CLNK: variants seen among roughly 807,000 people sequenced by gnomAD.
CLNK encodes the protein cytokine dependent hematopoietic cell linker.
A neutral mutation model predicts 68.6 loss-of-function variants in CLNK; 74 were observed. The ratio of observed to expected loss-of-function variants is 1.08; its 90% CI spans 0.89 to 1.31. The LOEUF (loss-of-function observed/expected upper bound fraction) is 1.31. CLNK is among the 50% of genes most tolerant of loss of function. The probability of loss-of-function intolerance (pLI) is 0.00; values close to 1 mark genes in which losing one functional copy is unlikely to be tolerated. For synonymous variants in CLNK, 198 were observed against 172.2 expected, an observed-to-expected ratio of 1.15 and a Z score of -1.17; for missense variants, 553 against 515.3, an observed-to-expected ratio of 1.07 and a Z score of -0.71.
At chr4:10,709,341 G>A in the CLNK span, among the ~76,000 whole-genome samples, 1 of 152,226 alleles carries the variant, frequency 6.6e-6, no homozygotes, top group African/African-American at 2.4e-5. Context: ...TGTACTCAGA[G>A]TGACTTTCTT....
chr4:10,686,982 G>A (rs1413090159), upstream of CLNK, among the ~76,000 whole-genome samples: 1 of 151,984 alleles, frequency 6.6e-6, no homozygotes, highest in African/African-American at 2.4e-5. Flanking sequence ...ATTAGGTGCT[G>A]AAAAATACAA....
intron 5 of CLNK, among the ~76,000 whole-genome samples, chr4:10,570,147 C>T (rs1055294715): frequency 6.6e-6 from 1 of 152,188 alleles, no homozygotes; most frequent in Non-Finnish European, 1.5e-5. Context: ...GCAAAGGTGC[C>T]ATTTACATAC....
At chr4:10,727,462 C>G in the CLNK span, among the ~76,000 whole-genome samples, 13 of 152,228 alleles carry the variant, frequency 8.5e-5, no homozygotes, top group Admixed American at 7.2e-4. Flanking sequence ...GGGGGTCAGT[C>G]TAATTAAATT....
chr4:10,630,451 G>A (rs976830604), intron 2 of CLNK, among the ~76,000 whole-genome samples: 2 of 152,076 alleles, frequency 1.3e-5, no homozygotes, highest in East Asian at 1.9e-4. Flanking sequence ...GCTCAGAGTC[G>A]TTTCCACTCT....
intron 18 of CLNK, 89 bp downstream of exon 18, chr4:10,501,167 A>G: frequency 2.2e-6 from 3 of 1,334,226 alleles, no homozygotes; most frequent in Non-Finnish European, 3.0e-6. Context: ...TCAGGGCGGC[A>G]TCCTCTTCCT....
the CLNK span, among the ~76,000 whole-genome samples, chr4:10,708,923 C>T: frequency 6.6e-6 from 1 of 152,114 alleles, no homozygotes; most frequent in Non-Finnish European, 1.5e-5. Context: ...TATGATTACG[C>T]TATAAAACTT....
At chr4:10,720,012 A>C in the CLNK span, among the ~76,000 whole-genome samples, 1 of 152,196 alleles carries the variant, frequency 6.6e-6, no homozygotes, top group Non-Finnish European at 1.5e-5. Flanking sequence ...GAGTTGAATG[A>C]AAATGAGACT....
chr4:10,658,583 C>A (rs938127649), intron 2 of CLNK, among the ~76,000 whole-genome samples: 1 of 152,152 alleles, frequency 6.6e-6, no homozygotes, highest in African/African-American at 2.4e-5. Context: ...TGCCTAGTGC[C>A]CCAGCCTCCC....
chr4:10,534,803 G>A lies in CLNK; in HGVS notation c.603-2520C>T, dbSNP rs1012058052. ...AAGAAATAATACAGACAGTTCCTAT[G>A]TGCCCTATACCCAGTTTCCCCCAAT... is the stretch of plus-strand genomic sequence containing the variant. On this transcript the variant is annotated intron_variant, in intron 11 of 18. Transcript: ENST00000226951. Among the ~76,000 whole-genome samples the A allele has an allele frequency of 1.2e-4, 19 of 152,080 alleles. 1 individual carries two copies. The highest frequency in any genetic ancestry group is 7.4e-5 in the Non-Finnish European group (5 of 68,024).
intron 16 of CLNK, among the ~76,000 whole-genome samples, chr4:10,512,119 C>T (rs1187376271): frequency 6.6e-6 from 1 of 151,924 alleles, no homozygotes; most frequent in Non-Finnish European, 1.5e-5. Flanking sequence ...TGGGAGGGAG[C>T]GTAATCTTGT....
intron 1 of CLNK, among the ~76,000 whole-genome samples, chr4:10,678,546 A>G (rs983086125): frequency 2.0e-5 from 3 of 152,194 alleles, no homozygotes; most frequent in Admixed American, 6.6e-5. Flanking sequence ...ATAATAAAAA[A>G]TAAATAAGAA....
At chr4:10,665,597 G>C (rs1373048415) in intron 2 of CLNK, among the ~76,000 whole-genome samples, 2 of 150,494 alleles carry the variant, frequency 1.3e-5, no homozygotes, top group Non-Finnish European at 3.0e-5. Context: ...CAGGGAGTTG[G>C]AGGTTGCAGT....
chr4:10,541,988 T>C, intron 10 of CLNK, 34 bp downstream of exon 10: 2 of 1,480,464 alleles, frequency 1.4e-6, no homozygotes, highest in Non-Finnish European at 1.8e-6. Context: ...TTTCATTGTA[T>C]AGCGAAAAAA....
intron 2 of CLNK, among the ~76,000 whole-genome samples, chr4:10,646,828 G>C (rs981200928): frequency 3.3e-5 from 5 of 152,104 alleles, no homozygotes; most frequent in African/African-American, 9.7e-5. Flanking sequence ...TTATGCACAT[G>C]TTCCTAGAGC....
rs144530926 is a variant in CLNK at position 10,630,565 on chromosome 4, C to T, written c.12-32516G>A. On this transcript the variant is annotated intron_variant, in intron 2 of 18. Coordinates refer to ENST00000226951, the MANE Select transcript of CLNK (RefSeq NM_052964.4). ...CTGTGAATTCTAGGAGGGGAAGAGC[C>T]AATAAAATTAATTATAGCACTATAG... 7.7e-3 allele frequency among the ~76,000 whole-genome samples: 1,168 copies of T among 152,198 alleles called. 16 individuals carry two copies. Among genetic ancestry groups the T allele is most frequent in the South Asian group, 0.028 (133 of 4,814 alleles).
intron 17 of CLNK, among the ~76,000 whole-genome samples, chr4:10,503,461 C>CA (rs1005765855): frequency 2.2e-3 from 245 of 112,738 alleles, no homozygotes; most frequent in Admixed American, 6.0e-3. Context: ...GACCCTGTCT[C>CA]AAAAAAAAAA....
intron 1 of CLNK, among the ~76,000 whole-genome samples, chr4:10,674,541 T>A (rs1049870868): frequency 6.6e-6 from 1 of 152,178 alleles, no homozygotes; most frequent in Non-Finnish European, 1.5e-5. Context: ...GACCTGGAAC[T>A]CTTTGGGGAT....
At chr4:10,605,845 G>GAAAAA (rs1721768552) in intron 2 of CLNK, among the ~76,000 whole-genome samples, 1 of 94,440 alleles carries the variant, frequency 1.1e-5, no homozygotes, top group Non-Finnish European at 2.4e-5. Context: ...AAAAAAAATA[G>GAAAAA]AAAAAAGAAA....
chr4:10,568,154 A>C (rs2108825434), intron 5 of CLNK, among the ~76,000 whole-genome samples: 1 of 152,374 alleles, frequency 6.6e-6, no homozygotes, highest in South Asian at 2.1e-4. Flanking sequence ...ACTACTGCAT[A>C]GGTAATAAAG....
Sources: gnomAD v4.1 joint callset for allele counts (sites outside exome capture counted in the v4.1 genomes callset) on GRCh38, gnomAD v4.1.1 for gene constraint, MANE v1.5 for transcripts, NCBI Gene and HGNC (gene_info 2026-07-23, HGNC 2026-07-21) for gene names.